Variants in MTHFD2L observed in about 807,000 individuals in gnomAD.
MTHFD2L encodes the protein bifunctional methylenetetrahydrofolate dehydrogenase/cyclohydrolase 2, mitochondrial.
Under a neutral mutation model 34.9 loss-of-function variants are expected in MTHFD2L, and 29 were observed. That is an observed-to-expected ratio of 0.83 (90% confidence interval 0.62 to 1.13). MTHFD2L has a LOEUF of 1.13. Ranked by LOEUF, MTHFD2L falls within the 50% of genes most tolerant of loss-of-function variation. MTHFD2L has a pLI of 0.00. For missense variants in MTHFD2L, 481 were observed against 446.5 expected, an observed-to-expected ratio of 1.08 and a Z score of -0.70; for synonymous variants, 167 against 155.7, an observed-to-expected ratio of 1.07 and a Z score of -0.54.
chr4:74,189,420 A>G (rs1732028876), intron 3 of MTHFD2L, among the ~76,000 whole-genome samples: 1 of 148,672 alleles, frequency 6.7e-6, no homozygotes, highest in Non-Finnish European at 1.5e-5. Flanking sequence ...AGTGAAGACC[A>G]CTCTCTTGCA....
intron 3 of MTHFD2L, among the ~76,000 whole-genome samples, chr4:74,197,844 A>G (rs1049319833): frequency 1.9e-4 from 29 of 152,190 alleles, no homozygotes; most frequent in African/African-American, 6.5e-4. Flanking sequence ...CATTATTGCT[A>G]TATACTGTAT....
chr4:74,143,866 T>C (rs1480632000), intron 1 of MTHFD2L, among the ~76,000 whole-genome samples: 3 of 152,314 alleles, frequency 2.0e-5, no homozygotes, highest in Non-Finnish European at 2.9e-5. Context: ...GAAACATTTA[T>C]ATGAATATAT....
chr4:74,119,026 A>T (rs956214825), upstream of MTHFD2L, among the ~76,000 whole-genome samples: 1 of 152,192 alleles, frequency 6.6e-6, no homozygotes, highest in African/African-American at 2.4e-5. Context: ...GAGAGGTTTG[A>T]CTGCCCAGAG....
intron 6 of MTHFD2L, among the ~76,000 whole-genome samples, chr4:74,233,512 C>T (rs1740397317): frequency 6.6e-6 from 1 of 151,950 alleles, no homozygotes; most frequent in Non-Finnish European, 1.5e-5. Flanking sequence ...AGTTTCCCTT[C>T]CCTTCATTCT....
At chr4:74,254,754 C>CT (rs1265552308) in intron 6 of MTHFD2L, among the ~76,000 whole-genome samples, 2 of 152,090 alleles carry the variant, frequency 1.3e-5, no homozygotes, top group African/African-American at 4.8e-5. Context: ...CTCTAATACT[C>CT]TAACAGTGGT....
At chr4:74,283,841 A>G (rs1747803702) in intron 7 of MTHFD2L, among the ~76,000 whole-genome samples, 1 of 152,116 alleles carries the variant, frequency 6.6e-6, no homozygotes, top group African/African-American at 2.4e-5. Context: ...AGGAGCAGGC[A>G]AGTGATAGGT....
rs549744136 is a variant in MTHFD2L, at chr4:74,301,530, A to G, written c.932-167A>G. Among the ~76,000 whole-genome samples, 644 of 147,240 alleles carry G rather than the reference A, an allele frequency of 4.4e-3. 7 individuals carry two copies. The highest frequency in any genetic ancestry group is 7.3e-3 in the South Asian group (34 of 4,634). ...AGAAGTATTCGTCTAAGTGAGTGTG[A>G]GCGTGTGTGTGTGTGTGTGTGTGTG... On this transcript the variant is annotated intron_variant, in intron 7 of 7. Coordinates refer to ENST00000325278, the MANE Select transcript of MTHFD2L (RefSeq NM_001144978.3).
At chr4:74,278,773 G>C (rs1264229347) in intron 6 of MTHFD2L, among the ~76,000 whole-genome samples, 1 of 152,062 alleles carries the variant, frequency 6.6e-6, no homozygotes, top group African/African-American at 2.4e-5. Context: ...CAGTCCCACC[G>C]CTGGCCTAGA....
chr4:74,125,124 GA>G (rs1721981409), upstream of MTHFD2L, among the ~76,000 whole-genome samples: 1 of 152,250 alleles, frequency 6.6e-6, no homozygotes, highest in African/African-American at 2.4e-5. Context: ...AGTAATTAGA[GA>G]AGCACAAGAA....
intron 1 of MTHFD2L, among the ~76,000 whole-genome samples, chr4:74,165,758 T>C (rs570378138): frequency 1.3e-5 from 2 of 152,362 alleles, no homozygotes; most frequent in East Asian, 3.9e-4. Flanking sequence ...AGGTACTGTC[T>C]CTATAGATGC....
intron 1 of MTHFD2L, among the ~76,000 whole-genome samples, chr4:74,126,863 C>T (rs1722115521): frequency 6.6e-6 from 1 of 151,476 alleles, no homozygotes; most frequent in South Asian, 2.1e-4. Flanking sequence ...TGGCTGTTTC[C>T]CCATCCAAAT....
intron 6 of MTHFD2L, among the ~76,000 whole-genome samples, chr4:74,279,484 G>A (rs1747143253): frequency 6.6e-6 from 1 of 151,898 alleles, no homozygotes; most frequent in Non-Finnish European, 1.5e-5. Context: ...AATATTTAAA[G>A]TTTTTTTCCA....
intron 1 of MTHFD2L, among the ~76,000 whole-genome samples, chr4:74,128,357 G>T (rs1480635546): frequency 6.6e-6 from 1 of 151,960 alleles, no homozygotes; most frequent in Non-Finnish European, 1.5e-5. Context: ...TCAGGTCTTA[G>T]ATTTAAGTCT....
At chr4:74,142,304 C>A (rs1467804877) in intron 1 of MTHFD2L, among the ~76,000 whole-genome samples, 1 of 152,122 alleles carries the variant, frequency 6.6e-6, no homozygotes, top group African/African-American at 2.4e-5. Context: ...GAAATCTAAT[C>A]CTTATTGTAA....
intron 2 of MTHFD2L, among the ~76,000 whole-genome samples, chr4:74,115,725 C>G (rs754552033): frequency 1.3e-5 from 2 of 152,182 alleles, no homozygotes; most frequent in Non-Finnish European, 2.9e-5. Flanking sequence ...GAAAGAAATA[C>G]TCGTGTATAT....
intron 7 of MTHFD2L, among the ~76,000 whole-genome samples, chr4:74,294,616 C>T (rs188707274): frequency 2.0e-5 from 3 of 152,194 alleles, no homozygotes; most frequent in Non-Finnish European, 2.9e-5. Flanking sequence ...TCATCTATGC[C>T]ACCCTTGGAT....
intron 5 of MTHFD2L, among the ~76,000 whole-genome samples, chr4:74,209,635 A>G (rs545725091): frequency 6.6e-6 from 1 of 152,170 alleles, no homozygotes; most frequent in Non-Finnish European, 1.5e-5. Flanking sequence ...TGCTGTTGTG[A>G]ATAGTGCTGC....
chr4:74,247,904 G>A (rs1204669301), intron 6 of MTHFD2L, among the ~76,000 whole-genome samples: 11 of 152,068 alleles, frequency 7.2e-5, no homozygotes, highest in South Asian at 6.2e-4. Context: ...GAGAATTTTT[G>A]CATCAATGTT....
upstream of MTHFD2L, among the ~76,000 whole-genome samples, chr4:74,123,016 T>G (rs1721837310): frequency 1.3e-5 from 2 of 152,166 alleles, no homozygotes; most frequent in Non-Finnish European, 2.9e-5. Context: ...TGCTATAAAA[T>G]TAGGAATTCA....
Sources: gnomAD v4.1 joint callset for allele counts (sites outside exome capture counted in the v4.1 genomes callset) on GRCh38, gnomAD v4.1.1 for gene constraint, MANE v1.5 for transcripts, NCBI Gene and HGNC (gene_info 2026-07-23, HGNC 2026-07-21) for gene names.